The following ADAMTS19 variants were observed in gnomAD, a reference collection of about 807,000 sequenced individuals.
ADAMTS19 encodes A disintegrin and metalloproteinase with thrombospondin motifs 19.
A neutral mutation model predicts 153.3 loss-of-function variants in ADAMTS19; 93 were observed. The observed-to-expected ratio is 0.61, with a 90% CI of 0.51 to 0.72. The LOEUF (loss-of-function observed/expected upper bound fraction) is 0.72. ADAMTS19 is among the 30% of genes least tolerant of loss of function. The pLI, the probability that ADAMTS19 is intolerant of heterozygous loss-of-function variation, is 0.00. For missense variants in ADAMTS19, 1,482 were observed against 1,552.1 expected, an observed-to-expected ratio of 0.95 and a Z score of 0.76; for synonymous variants, 600 against 556.6, an observed-to-expected ratio of 1.08 and a Z score of -1.10.
At chr5:129,599,926 A>G (rs1021154835) in intron 8 of ADAMTS19, among the ~76,000 whole-genome samples, 4 of 152,176 alleles carry the variant, frequency 2.6e-5, no homozygotes, top group African/African-American at 9.7e-5. Flanking sequence ...AGTAAGCAAT[A>G]TTTGTCTCAA....
chr5:129,724,419 A>C (rs543978444), intron 21 of ADAMTS19, among the ~76,000 whole-genome samples: 1 of 152,178 alleles, frequency 6.6e-6, no homozygotes, highest in South Asian at 2.1e-4. Context: ...TATTGTTACC[A>C]GCAGCAAATC....
chr5:129,725,339 G>C (rs1757162673), intron 21 of ADAMTS19, among the ~76,000 whole-genome samples: 1 of 151,966 alleles, frequency 6.6e-6, no homozygotes, highest in African/African-American at 2.4e-5. Flanking sequence ...TTCTTCTTTT[G>C]GGGTGAGCTG....
At chr5:129,623,711 C>T (rs1751889401) in intron 10 of ADAMTS19, among the ~76,000 whole-genome samples, 1 of 152,142 alleles carries the variant, frequency 6.6e-6, no homozygotes, top group African/African-American at 2.4e-5. Flanking sequence ...GAGTGAGTTT[C>T]TCCAGCATCT....
At chr5:129,670,920 A>C (rs1754273407) in intron 16 of ADAMTS19, among the ~76,000 whole-genome samples, 1 of 152,166 alleles carries the variant, frequency 6.6e-6, no homozygotes, top group Non-Finnish European at 1.5e-5. Flanking sequence ...TATCCGTCTC[A>C]GTTAGTTACC....
intron 2 of ADAMTS19, among the ~76,000 whole-genome samples, chr5:129,472,636 A>G (rs1339164074): frequency 2.0e-5 from 3 of 152,110 alleles, no homozygotes; most frequent in Non-Finnish European, 4.4e-5. Context: ...AACAGTTGAA[A>G]TCTGCTTCCT....
intron 16 of ADAMTS19, 52 bp from the exon 17 acceptor site, chr5:129,679,712 A>G: frequency 7.1e-7 from 1 of 1,408,826 alleles, no homozygotes; most frequent in Non-Finnish European, 9.6e-7. Flanking sequence ...GTAGATGTTG[A>G]TCAATGAAGC....
intron 17 of ADAMTS19, among the ~76,000 whole-genome samples, chr5:129,682,091 TGG>T (rs1406141486): frequency 6.6e-6 from 1 of 152,142 alleles, no homozygotes; most frequent in Admixed American, 6.6e-5. Context: ...ACCTTAGTGT[TGG>T]GTGGAGGGAG....
At chr5:129,663,058 C>A (rs2127076880) in intron 15 of ADAMTS19, among the ~76,000 whole-genome samples, 1 of 152,102 alleles carries the variant, frequency 6.6e-6, no homozygotes, top group Middle Eastern at 3.4e-3. Flanking sequence ...CTATACCCAG[C>A]TAATTTTTTG....
intron 7 of ADAMTS19, among the ~76,000 whole-genome samples, chr5:129,558,834 C>T (rs963635590): frequency 5.3e-4 from 81 of 151,962 alleles, no homozygotes; most frequent in African/African-American, 1.7e-3. Flanking sequence ...TAGTTCAATA[C>T]ATTATGTTAA....
intron 21 of ADAMTS19, among the ~76,000 whole-genome samples, chr5:129,725,086 C>T (rs1368652465): frequency 6.6e-6 from 1 of 152,076 alleles, no homozygotes; most frequent in Non-Finnish European, 1.5e-5. Flanking sequence ...TTGGGGGCTG[C>T]TTTTCATTAA....
At chr5:129,730,497 G>C (rs939250489) in intron 21 of ADAMTS19, among the ~76,000 whole-genome samples, 1 of 151,936 alleles carries the variant, frequency 6.6e-6, no homozygotes, top group Non-Finnish European at 1.5e-5. Context: ...AGAAATATAG[G>C]CTTCATTATT....
chr5:129,608,352 T>G (rs1295793237), intron 8 of ADAMTS19, among the ~76,000 whole-genome samples: 3 of 151,352 alleles, frequency 2.0e-5, no homozygotes. Flanking sequence ...ATGAGGGGAA[T>G]GGGGAGATAC....
intron 21 of ADAMTS19, among the ~76,000 whole-genome samples, chr5:129,724,991 T>C (rs1182845596): frequency 6.6e-6 from 1 of 152,138 alleles, no homozygotes; most frequent in Non-Finnish European, 1.5e-5. Flanking sequence ...ATTGGCACAG[T>C]TGCCGGCATT....
intron 7 of ADAMTS19, among the ~76,000 whole-genome samples, chr5:129,563,212 A>ATT (rs548780670): frequency 3.8e-4 from 56 of 145,982 alleles, no homozygotes; most frequent in Admixed American, 1.5e-3. Context: ...GCAATTTGGC[A>ATT]TTTTTTTTTT....
At position 129,460,383 on chromosome 5, in the gene ADAMTS19, G is replaced by T. The variant is rs761510533; in HGVS notation, c.-9G>T. On this transcript the variant is annotated 5_prime_UTR_variant, in exon 1 of 23. Transcript: ENST00000274487. ...GCCGGGCGAGAAGCCGCGGCCGCGG[G>T]AGCGCAGTATGGGGAAGAACCGCGA... 1 of 1,612,586 alleles carries T rather than the reference G, an allele frequency of 6.2e-7. No homozygotes were observed. The highest frequency in any genetic ancestry group is 1.3e-5 in the African/African-American group (1 of 75,042).
At chr5:129,704,486 A>C in intron 21 of ADAMTS19, 95 bp downstream of exon 21, 1 of 1,411,132 alleles carries the variant, frequency 7.1e-7, no homozygotes, top group Admixed American at 2.2e-5. Flanking sequence ...TTAGGAGGGA[A>C]GGAGAGTAGA....
At chr5:129,464,339 T>TA (rs1184246771) in intron 2 of ADAMTS19, among the ~76,000 whole-genome samples, 1 of 152,210 alleles carries the variant, frequency 6.6e-6, no homozygotes, top group East Asian at 1.9e-4. Flanking sequence ...TGTGAGGAAT[T>TA]ATGATGCCTT....
rs373452957 is a variant in ADAMTS19 at position 129,569,355 on chromosome 5, C to T, written c.1372+17448C>T. ...CATGAAGCAAAAACTGACAAACTAACAGGAAAAATGGACAAATGCACAATT... is the reference window on the plus strand; with the variant it reads ...CATGAAGCAAAAACTGACAAACTAATAGGAAAAATGGACAAATGCACAATT... On this transcript the variant is annotated intron_variant, in intron 7 of 22. Coordinates refer to ENST00000274487, the MANE Select transcript of ADAMTS19 (RefSeq NM_133638.6). Among the ~76,000 whole-genome samples the T allele has an allele frequency of 5.5e-4, 84 of 152,112 alleles. No homozygotes were observed. The South Asian group carries it at 0.017, about 30-fold the overall frequency.
rs758353739 is a variant in ADAMTS19 at position 129,460,416 on chromosome 5, C to A, written c.25C>A (p.Leu9Met). 2 of 1,614,116 alleles carry A rather than the reference C, an allele frequency of 1.2e-6. No individual in the cohort carries two copies. The highest frequency in any genetic ancestry group is 1.1e-5 in the South Asian group (1 of 91,088). Reference protein sequence around the residue: MGKNREMRLTHICCCCLLY... With the variant: MGKNREMRMTHICCCCLLY... ...TATGGGGAAGAACCGCGAGATGCGC[C>A]TGACTCACATCTGCTGCTGCTGCCT... The change falls in exon 1 of 23, where the codon CTG becomes ATG. Residue 9 changes from leucine (L) to methionine (M), a missense_variant. Leu to Met is a conservative substitution (Grantham distance 15). This residue lies in a region of ADAMTS19 where 866 missense variants were observed against 827.7 expected (regional missense o/e 1.05). Transcript: ENST00000274487.
Sources: allele counts gnomAD v4.1 joint callset (sites outside exome capture counted in the v4.1 genomes callset), GRCh38; gene constraint gnomAD v4.1.1; regional missense constraint gnomAD v4.1.1; transcripts MANE v1.5; gene names NCBI Gene and HGNC (gene_info 2026-07-23, HGNC 2026-07-21).